Variants in TMPRSS11A observed in about 807,000 individuals in gnomAD.
TMPRSS11A encodes the protein transmembrane protease serine 11A.
A neutral mutation model predicts 58.9 loss-of-function variants in TMPRSS11A; 53 were observed. The observed-to-expected ratio is 0.90, with a 90% CI of 0.72 to 1.13. The LOEUF (loss-of-function observed/expected upper bound fraction) is 1.13, where lower values mean the gene tolerates loss of function less well. Ranked by LOEUF, TMPRSS11A falls within the 50% of genes most tolerant of loss-of-function variation. The pLI is 0.00. For synonymous variants in TMPRSS11A, 167 were observed against 169.8 expected, an observed-to-expected ratio of 0.98 and a Z score of 0.13; for missense variants, 493 against 499.3, an observed-to-expected ratio of 0.99 and a Z score of 0.12.
intron 3 of TMPRSS11A, among the ~76,000 whole-genome samples, chr4:67,935,777 G>T (rs1181448852): frequency 6.6e-6 from 1 of 152,090 alleles, no homozygotes; most frequent in Non-Finnish European, 1.5e-5. Context: ...TTTACATCAG[G>T]TTGAGATCAA....
chr4:67,934,526 T>C (rs1720704747), intron 3 of TMPRSS11A, among the ~76,000 whole-genome samples: 1 of 152,172 alleles, frequency 6.6e-6, no homozygotes. Flanking sequence ...CATTAGCAAT[T>C]TGTAAATCTA....
intron 1 of TMPRSS11A, among the ~76,000 whole-genome samples, chr4:67,947,896 A>T (rs1040026365): frequency 6.6e-6 from 1 of 152,332 alleles, no homozygotes; most frequent in Admixed American, 6.5e-5. Flanking sequence ...TACCAACATT[A>T]CACAGGAAAT....
chr4:67,948,486 A>G (rs1480206314), intron 1 of TMPRSS11A, among the ~76,000 whole-genome samples: 1 of 152,204 alleles, frequency 6.6e-6, no homozygotes, highest in Non-Finnish European at 1.5e-5. Context: ...TATAAATGCC[A>G]GGATAAAAGT....
intron 3 of TMPRSS11A, 113 bp downstream of exon 3, chr4:67,944,406 G>A (rs1720951452): frequency 7.9e-7 from 1 of 1,269,478 alleles, no homozygotes; most frequent in Non-Finnish European, 1.1e-6. Flanking sequence ...CAATCTGCAA[G>A]ATGATTCTAA....
intron 3 of TMPRSS11A, among the ~76,000 whole-genome samples, chr4:67,939,982 C>G (rs1720841875): frequency 6.6e-6 from 1 of 152,166 alleles, no homozygotes. Context: ...AGCCACCATG[C>G]CTGGCTAATT....
intron 4 of TMPRSS11A, among the ~76,000 whole-genome samples, chr4:67,930,408 A>T (rs79153150): frequency 6.6e-6 from 1 of 152,156 alleles, no homozygotes; most frequent in Admixed American, 6.5e-5. Context: ...TGGCCCTCTA[A>T]TGACAGTGCA....
intron 1 of TMPRSS11A, among the ~76,000 whole-genome samples, chr4:67,959,275 C>A (rs1199189810): frequency 2.0e-5 from 3 of 152,026 alleles, no homozygotes; most frequent in Admixed American, 2.0e-4. Context: ...TAGGAAATAA[C>A]CTTCTTAACA....
At chr4:67,935,501 G>T (rs539719746) in intron 3 of TMPRSS11A, among the ~76,000 whole-genome samples, 8 of 152,044 alleles carry the variant, frequency 5.3e-5, no homozygotes, top group African/African-American at 1.7e-4. Flanking sequence ...ATTCTTTAAT[G>T]TAAACATATA....
intron 3 of TMPRSS11A, among the ~76,000 whole-genome samples, chr4:67,943,730 A>T (rs1325425341): frequency 1.3e-5 from 2 of 152,188 alleles, no homozygotes; most frequent in African/African-American, 4.8e-5. Context: ...ATTATTGTAA[A>T]TATGATGCCA....
intron 3 of TMPRSS11A, among the ~76,000 whole-genome samples, chr4:67,935,825 CG>C (rs1720738429): frequency 6.6e-6 from 1 of 152,034 alleles, no homozygotes; most frequent in Non-Finnish European, 1.5e-5. Context: ...CATGAATTAT[CG>C]GAAGAGATTT....
chr4:67,914,566 T>G (rs1720094765), intron 9 of TMPRSS11A, 22 bp downstream of exon 9: 5 of 1,608,688 alleles, frequency 3.1e-6, no homozygotes, highest in Non-Finnish European at 4.3e-6. Context: ...GTTAGTAATA[T>G]AAAAAAATCC....
At chr4:67,951,669 T>C (rs1228097911) in intron 1 of TMPRSS11A, among the ~76,000 whole-genome samples, 1 of 152,068 alleles carries the variant, frequency 6.6e-6, no homozygotes, top group Non-Finnish European at 1.5e-5. Flanking sequence ...CAAATGCCAA[T>C]TTACAGACAG....
At chr4:67,928,040 C>CTTTTATT (rs1226449461) in intron 5 of TMPRSS11A, among the ~76,000 whole-genome samples, 1 of 152,148 alleles carries the variant, frequency 6.6e-6, no homozygotes, top group Middle Eastern at 3.4e-3. Context: ...TCAGGTAACT[C>CTTTTATT]TTTTATTTTT....
At chr4:67,918,322 A>G (rs1187975122) in intron 8 of TMPRSS11A, among the ~76,000 whole-genome samples, 1 of 152,206 alleles carries the variant, frequency 6.6e-6, no homozygotes, top group Non-Finnish European at 1.5e-5. Context: ...TTACAAGACT[A>G]AGTTAGTATA....
chr4:67,963,277 G>T lies in TMPRSS11A; in HGVS notation c.11+106C>A, dbSNP rs1034347574. On this transcript the variant is annotated intron_variant, in intron 1 of 9. Coordinates refer to ENST00000508048, the MANE Select transcript of TMPRSS11A (RefSeq NM_001114387.2). ...AATTTAAAAAAATCCAGTGCAGATT[G>T]AATCCACCAAAGACACCTCACTAGC... 4.7e-6 allele frequency: 5 copies of T among 1,056,930 alleles called. No individual in the cohort carries two copies. The African/African-American group carries it at 6.5e-5, about 14-fold the overall frequency. The allele number at this position is 1,056,930 out of a possible 1,614,324, so 65.5% of individuals were successfully genotyped here.
intron 8 of TMPRSS11A, among the ~76,000 whole-genome samples, chr4:67,915,479 AATATGAGGG>A (rs1419109336): frequency 2.0e-5 from 3 of 152,174 alleles, no homozygotes; most frequent in Non-Finnish European, 2.9e-5. Context: ...AGGATCTGTG[AATATGAGGG>A]ATGCCATTCT....
rs11403470 is a variant in TMPRSS11A at position 67,910,732 on chromosome 4, C to CA, written c.*609dup. 0.73 allele frequency: 110,100 copies of CA among 151,686 alleles called. 40,635 individuals carry two copies. The highest frequency in any genetic ancestry group is 0.86 in the African/African-American group (35,744 of 41,434). 9.4% of individuals were successfully genotyped at this position (151,686 alleles called of 1,614,324 possible). On this transcript the variant is annotated 3_prime_UTR_variant, in exon 10 of 10. Transcript: ENST00000508048. The stretch of plus-strand genomic sequence containing the variant: ...GTGTGTGTGTGTGTAGAAAAGTCAC[C>CA]AAAAATTAGAGGTTTTATAACTAAA...
At chr4:67,937,905 TC>T (rs1304713427) in intron 3 of TMPRSS11A, among the ~76,000 whole-genome samples, 1 of 152,132 alleles carries the variant, frequency 6.6e-6, no homozygotes, top group Admixed American at 6.6e-5. Context: ...AAGTTTATAC[TC>T]CTTTGGGTAT....
rs76423657 is a variant in TMPRSS11A, at chr4:67,918,569, T to G, written c.952+404A>C. Among the ~76,000 whole-genome samples the G allele has an allele frequency of 1.2e-4, 19 of 152,316 alleles. No homozygotes were observed. The East Asian group carries it at 2.9e-3, about 23-fold the overall frequency. On this transcript the variant is annotated intron_variant, in intron 8 of 9. Coordinates refer to ENST00000508048, the MANE Select transcript of TMPRSS11A (RefSeq NM_001114387.2). ...ATAAATATTCCTTTCTATGTATTTT[T>G]TCTTTGTTGAGGATGATGTGTTGAG...
Sources: gnomAD v4.1 joint callset for allele counts (sites outside exome capture counted in the v4.1 genomes callset) on GRCh38, gnomAD v4.1.1 for gene constraint, MANE v1.5 for transcripts, NCBI Gene and HGNC (gene_info 2026-07-23, HGNC 2026-07-21) for gene names.